The following PRKAG2 variants were observed in gnomAD, a reference collection of about 807,000 sequenced individuals.
The protein encoded by PRKAG2 is protein kinase AMP-activated non-catalytic subunit gamma 2.
PRKAG2 carries 26 observed loss-of-function variants against 69.6 expected under a neutral mutation model. That is an observed-to-expected ratio of 0.37 (90% CI 0.27 to 0.52). The LOEUF (loss-of-function observed/expected upper bound fraction) is 0.52. Among genes scored for constraint, PRKAG2 ranks in the 20% least tolerant of loss-of-function variants. The probability of loss-of-function intolerance (pLI) is 0.90; values close to 1 mark genes in which losing one functional copy is unlikely to be tolerated. For synonymous variants in PRKAG2, 293 were observed against 285.0 expected (o/e 1.03, Z -0.28); for missense variants, 557 against 740.0 (o/e 0.75, Z 2.87).
At position 151,836,915 on chromosome 7, in the gene PRKAG2, C is replaced by T. The variant is rs1315703788; in HGVS notation, c.114+39592G>A. 2.6e-5 allele frequency among the ~76,000 whole-genome samples: 4 copies of T among 152,210 alleles called. No individual in the cohort carries two copies. Among genetic ancestry groups the T allele is most frequent in the South Asian group, 4.1e-4 (2 of 4,826 alleles). ...TGAGCACTCCAGACGCGAAAGGGCC[C>T]GGCCCAGCCAGCTTGCGGGGACCCC... On this transcript the variant is annotated intron_variant, in intron 1 of 15. Transcript: ENST00000287878. The surrounding 1 kb of genome is among the most constrained non-coding windows in gnomAD (Gnocchi z 4.1).
rs1450325525 is a variant in PRKAG2 at position 151,567,792 on chromosome 7, AGCC to A, written c.1233+921_1233+923del. The stretch of plus-strand genomic sequence containing the variant: ...GACAAGGTATTTCTCTCCATCACTA[AGCC>A]CTCTGTGCTTCTGTCAGCAAAAGGG... On this transcript the variant is annotated intron_variant, in intron 11 of 15. Coordinates refer to ENST00000287878, the MANE Select transcript of PRKAG2 (RefSeq NM_016203.4). The surrounding 1 kb of genome is among the most constrained non-coding windows in gnomAD (Gnocchi z 4.2). 2.6e-5 allele frequency among the ~76,000 whole-genome samples: 4 copies of A among 152,330 alleles called. No individual in the cohort carries two copies. Among genetic ancestry groups the A allele is most frequent in the Non-Finnish European group, 5.9e-5 (4 of 68,034 alleles).
At chr7:151,841,277 C>T (rs1236830912) in intron 1 of PRKAG2, among the ~76,000 whole-genome samples, 1 of 152,092 alleles carries the variant, frequency 6.6e-6, no homozygotes, top group Non-Finnish European at 1.5e-5. Flanking sequence ...CATGAGCCAC[C>T]GTAGTGAGGG....
chr7:151,661,570 A>T lies in PRKAG2; in HGVS notation c.684+13850T>A, dbSNP rs532693270. 6.8e-4 allele frequency among the ~76,000 whole-genome samples: 103 copies of T among 152,256 alleles called. No individual in the cohort carries two copies. In the East Asian group the frequency reaches 0.017, roughly 26 times the overall value. Reference sequence around the variant, plus strand: ...CCACCTGTTTCAATTTCCATTTTTTAAAAAAATAAAATATACCTCTGTCTG... The same window carrying T: ...CCACCTGTTTCAATTTCCATTTTTTTAAAAAATAAAATATACCTCTGTCTG... On this transcript the variant is annotated intron_variant, in intron 4 of 15. Transcript: ENST00000287878.
intron 5 of PRKAG2, among the ~76,000 whole-genome samples, chr7:151,607,833 C>G (rs1289266221): frequency 1.3e-5 from 2 of 152,166 alleles, no homozygotes; most frequent in Non-Finnish European, 2.9e-5. Context: ...CTATGGTCAC[C>G]TGACATCCTG....
Position 151,746,934 on chromosome 7 carries a change from C to A in PRKAG2, c.466+34218G>T, listed in dbSNP as rs150658146. Among the ~76,000 whole-genome samples the A allele has an allele frequency of 3.5e-4, 54 of 152,364 alleles. No individual in the cohort carries two copies. In the South Asian group the frequency reaches 4.6e-3, roughly 13 times the overall value. The stretch of plus-strand genomic sequence containing the variant: ...TGCTCAAAGCCCCAGCATTTCACGT[C>A]CTGAATGAGGAATGAAGGGATTTTC... On this transcript the variant is annotated intron_variant, in intron 3 of 15. Transcript: ENST00000287878.
At chr7:151,574,446 TTA>T (rs1303888953) in intron 8 of PRKAG2, among the ~76,000 whole-genome samples, 1 of 152,204 alleles carries the variant, frequency 6.6e-6, no homozygotes, top group East Asian at 1.9e-4. Context: ...AAAACGGAAT[TTA>T]TTTCACTTTA....
chr7:151,685,157 C>T (rs547497576), intron 3 of PRKAG2, among the ~76,000 whole-genome samples: 7 of 152,238 alleles, frequency 4.6e-5, no homozygotes, highest in Non-Finnish European at 8.8e-5. Context: ...GTGGGAGTGG[C>T]GAGGTCATCT....
chr7:151,724,919 G>T (rs546859276), intron 3 of PRKAG2, among the ~76,000 whole-genome samples: 1 of 152,216 alleles, frequency 6.6e-6, no homozygotes, highest in East Asian at 1.9e-4. Flanking sequence ...TGCTCAGTGC[G>T]TCCCAGCTCC....
chr7:151,782,724 T>C (rs1316554903), intron 2 of PRKAG2, among the ~76,000 whole-genome samples: 1 of 152,154 alleles, frequency 6.6e-6, no homozygotes, highest in Non-Finnish European at 1.5e-5. Context: ...CTCCCTCATC[T>C]GTAAAATGAG....
At chr7:151,571,190 G>C (rs542442390) in intron 9 of PRKAG2, among the ~76,000 whole-genome samples, 2 of 151,748 alleles carry the variant, frequency 1.3e-5, no homozygotes, top group East Asian at 3.9e-4. Context: ...TCCTGCCTCA[G>C]CCTCCCGAGT....
intron 6 of PRKAG2, among the ~76,000 whole-genome samples, chr7:151,593,098 A>G (rs1813631377): frequency 6.6e-6 from 1 of 152,220 alleles, no homozygotes; most frequent in Non-Finnish European, 1.5e-5. Context: ...TTCATGTATT[A>G]CTCACTTGAC....
At chr7:151,872,467 G>A (rs2080240193) in intron 1 of PRKAG2, among the ~76,000 whole-genome samples, 1 of 152,234 alleles carries the variant, frequency 6.6e-6, no homozygotes, top group African/African-American at 2.4e-5. Flanking sequence ...AGGTTCAGGA[G>A]TTTATCCCAG....
chr7:151,775,541 A>G (rs2076298723), intron 3 of PRKAG2, among the ~76,000 whole-genome samples: 1 of 152,224 alleles, frequency 6.6e-6, no homozygotes, highest in East Asian at 1.9e-4. Context: ...GTGAATATAA[A>G]AGAAGAGGGA....
intron 3 of PRKAG2, among the ~76,000 whole-genome samples, chr7:151,707,030 G>A (rs1447444972): frequency 6.6e-6 from 1 of 152,246 alleles, no homozygotes; most frequent in African/African-American, 2.4e-5. Context: ...GCTGCGTCCT[G>A]GGTGCCCCAG....
At chr7:151,676,905 G>A (rs62478165) in intron 3 of PRKAG2, among the ~76,000 whole-genome samples, 21,419 of 152,212 alleles carry the variant, frequency 0.14, 1,596 homozygotes, top group South Asian at 0.21. Flanking sequence ...GGCAGCGATC[G>A]GAGCAATGCA....
At chr7:151,648,887 T>C (rs761028785) in intron 4 of PRKAG2, among the ~76,000 whole-genome samples, 8 of 146,238 alleles carry the variant, frequency 5.5e-5, no homozygotes, top group South Asian at 2.1e-4. Flanking sequence ...AAATCAGGTA[T>C]GTGAGAGAGG....
chr7:151,787,587 CT>C (rs1275025943), intron 1 of PRKAG2, among the ~76,000 whole-genome samples: 1 of 152,180 alleles, frequency 6.6e-6, no homozygotes, highest in Non-Finnish European at 1.5e-5. Flanking sequence ...CCACATTCCG[CT>C]TACGCATTCA....
At chr7:151,675,310 G>T in intron 4 of PRKAG2, 110 bp downstream of exon 4, 1 of 1,049,558 alleles carries the variant, frequency 9.5e-7, no homozygotes. Flanking sequence ...GATGTCGGGA[G>T]CACACGACCT....
chr7:151,803,031 C>G (rs2077925261), intron 1 of PRKAG2, among the ~76,000 whole-genome samples: 1 of 151,524 alleles, frequency 6.6e-6, no homozygotes, highest in Non-Finnish European at 1.5e-5. Context: ...GATCTCAGCT[C>G]ACTGCAACCT....
Sources: gnomAD v4.1 joint callset for allele counts (sites outside exome capture counted in the v4.1 genomes callset) on GRCh38, gnomAD v4.1.1 for gene constraint, Gnocchi (gnomAD v3.1) non-coding constraint, MANE v1.5 for transcripts, NCBI Gene and HGNC (gene_info 2026-07-23, HGNC 2026-07-21) for gene names.